Variants in FBXO25 observed in about 807,000 individuals in gnomAD.
FBXO25 encodes the protein F-box only protein 25.
FBXO25 carries 45 observed loss-of-function variants against 51.9 expected under a neutral mutation model. The ratio of observed to expected loss-of-function variants is 0.87; its 90% confidence interval spans 0.68 to 1.11. FBXO25 has a LOEUF of 1.11. Ranked by LOEUF, FBXO25 falls within the 50% of genes most tolerant of loss-of-function variation. The probability of loss-of-function intolerance (pLI) is 0.00; values close to 1 mark genes in which losing one functional copy is unlikely to be tolerated. For missense variants in FBXO25, 507 were observed against 428.5 expected (o/e 1.18, Z -1.62); for synonymous variants, 199 against 151.0 (o/e 1.32, Z -2.33).
intron 9 of FBXO25, chr8:467,904 A>T: frequency 6.7e-7 from 1 of 1,502,556 alleles, no homozygotes; most frequent in Non-Finnish European, 8.9e-7. Flanking sequence ...GGCCACTTTG[A>T]TCAAACACCT....
intron 2 of FBXO25, among the ~76,000 whole-genome samples, chr8:414,049 C>G (rs1796649198): frequency 6.6e-6 from 1 of 152,162 alleles, no homozygotes; most frequent in African/African-American, 2.4e-5. Context: ...GTGTAATTAT[C>G]AACTGTGTGC....
At chr8:435,064 C>A (rs1164795281) in intron 4 of FBXO25, among the ~76,000 whole-genome samples, 2 of 152,152 alleles carry the variant, frequency 1.3e-5, no homozygotes, top group Admixed American at 1.3e-4. Flanking sequence ...AAGCACCTCT[C>A]CCAGCCCTGA....
chr8:435,826 C>A lies in FBXO25; in HGVS notation c.381+119C>A, dbSNP rs71514156. The stretch of plus-strand genomic sequence containing the variant: ...AGCTTGAAGGTGTGCCTGTTTGCTG[C>A]GTATTAATCAAAAAACAGAAGGGAA... On this transcript the variant is annotated intron_variant, in intron 5 of 9. Transcript: ENST00000350302. 12 of 1,412,296 alleles carry A rather than the reference C, an allele frequency of 8.5e-6. No homozygotes were observed. In the Middle Eastern group the frequency reaches 7.9e-4, roughly 93 times the overall value. The allele number at this position is 1,412,296 out of a possible 1,614,324, so 87.5% of individuals were successfully genotyped here. A position where few individuals can be genotyped will look rare whatever the true frequency, so the allele number is the denominator to read the frequency against.
At chr8:468,005 A>G in intron 9 of FBXO25, 2 of 1,328,870 alleles carry the variant, frequency 1.5e-6, no homozygotes, top group Non-Finnish European at 1.9e-6. Flanking sequence ...ACACTTCACC[A>G]CACAGCACCT....
At chr8:446,216 C>A (rs547014102) in intron 5 of FBXO25, among the ~76,000 whole-genome samples, 1 of 152,096 alleles carries the variant, frequency 6.6e-6, no homozygotes, top group Non-Finnish European at 1.5e-5. Flanking sequence ...CCCTAACAGG[C>A]CCCTAGACGA....
At chr8:425,082 A>C (rs2117548018) in intron 2 of FBXO25, among the ~76,000 whole-genome samples, 1 of 152,204 alleles carries the variant, frequency 6.6e-6, no homozygotes, top group South Asian at 2.1e-4. Context: ...CCTTGTGACC[A>C]CACCCGGGTC....
At chr8:417,064 C>A (rs1270355101) in intron 2 of FBXO25, among the ~76,000 whole-genome samples, 1 of 152,156 alleles carries the variant, frequency 6.6e-6, no homozygotes, top group African/African-American at 2.4e-5. Context: ...GCAAAGGCCT[C>A]AAGGCAGGAG....
rs1800383973 is a variant in FBXO25 at position 469,105 on chromosome 8, C to T, written c.*301C>T. 1 of 283,510 alleles carries T rather than the reference C, an allele frequency of 3.5e-6. No homozygotes were observed. The highest frequency in any genetic ancestry group is 1.4e-4 in the South Asian group (1 of 7,382). The allele number at this position is 283,510 out of a possible 1,614,324, so 17.6% of individuals were successfully genotyped here. The stretch of plus-strand genomic sequence containing the variant: ...CAAAAATACTTTAGGTGGTCAGCTC[C>T]ACATTCTTTGTTGACGTGACACTAA... On this transcript the variant is annotated 3_prime_UTR_variant, in exon 10 of 10. Transcript: ENST00000350302.
At chr8:419,904 C>G (rs1797046489) in intron 2 of FBXO25, among the ~76,000 whole-genome samples, 1 of 152,242 alleles carries the variant, frequency 6.6e-6, no homozygotes, top group East Asian at 1.9e-4. Flanking sequence ...ATAAAGAACA[C>G]TTAAAACTCA....
At position 451,332 on chromosome 8, in the gene FBXO25, T is replaced by C. The variant is rs1178971561; in HGVS notation, c.539T>C (p.Leu180Pro). The part of the protein sequence containing the change: ...KDLLQDLSST[L>P]CILIRGVGKS... ...CTTCTGCAAGACCTAAGCTCTACCCTCTGCATTCTTATTAGAGGAGTAGGG... is the reference window on the plus strand; with the variant it reads ...CTTCTGCAAGACCTAAGCTCTACCCCCTGCATTCTTATTAGAGGAGTAGGG... The change falls in exon 7 of 10, where the codon CTC becomes CCC. Residue 180 changes from leucine (L) to proline (P), a missense_variant. By Grantham distance (98) the Leu-to-Pro change is moderately conservative. Transcript: ENST00000350302. 1.9e-6 allele frequency: 3 copies of C among 1,613,984 alleles called. No homozygotes were observed. The Admixed American group carries it at 5.0e-5, about 27-fold the overall frequency.
chr8:471,017 T>G lies in FBXO25; in HGVS notation c.*2213T>G, dbSNP rs1041394388. On this transcript the variant is annotated 3_prime_UTR_variant, in exon 10 of 10. Coordinates refer to ENST00000350302, the MANE Select transcript of FBXO25 (RefSeq NM_183420.2). Reference sequence around the variant, plus strand: ...TTACTGTCATTTAATTGTTAGATGTTATAACAGTTCTCAGCTGTGCTATCA... The same window carrying G: ...TTACTGTCATTTAATTGTTAGATGTGATAACAGTTCTCAGCTGTGCTATCA... 6 of 152,238 alleles carry G rather than the reference T, an allele frequency of 3.9e-5. No individual in the cohort carries two copies. The highest frequency in any genetic ancestry group is 1.4e-4 in the African/African-American group (6 of 41,462). 9.4% of individuals were successfully genotyped at this position (152,238 alleles called of 1,614,324 possible).
intron 1 of FBXO25, among the ~76,000 whole-genome samples, chr8:410,551 A>G (rs561285584): frequency 1.6e-4 from 25 of 152,270 alleles, no homozygotes; most frequent in East Asian, 3.9e-4. Flanking sequence ...ATGAGACTCA[A>G]GGTGCCACTT....
intron 2 of FBXO25, among the ~76,000 whole-genome samples, chr8:414,689 C>T (rs988752529): frequency 1.3e-5 from 2 of 152,268 alleles, no homozygotes; most frequent in South Asian, 4.1e-4. Flanking sequence ...TCTCCCTTTC[C>T]CCTTCGCCCA....
rs1400087545 is a variant in FBXO25, at chr8:474,769, A to G, written c.*5965A>G. ...ACCCTTTTCAGATATATCATTTTAA[A>G]ATACTTTGTCCCATTCCGTGGATTG... On this transcript the variant is annotated 3_prime_UTR_variant, in exon 10 of 10. Coordinates refer to ENST00000350302, the MANE Select transcript of FBXO25 (RefSeq NM_183420.2). The G allele has an allele frequency of 2.2e-6, 1 of 456,542 alleles. No individual in the cohort carries two copies. The highest frequency in any genetic ancestry group is 4.4e-6 in the Non-Finnish European group (1 of 226,964). 28.3% of individuals were successfully genotyped at this position (456,542 alleles called of 1,614,324 possible).
At position 409,765 on chromosome 8, in the gene FBXO25, T is replaced by C. The variant is rs1796380690; in HGVS notation, c.-8+2699T>C. Among the ~76,000 whole-genome samples, 4 of 152,278 alleles carry C rather than the reference T, an allele frequency of 2.6e-5. No homozygotes were observed. In the South Asian group the frequency reaches 8.3e-4, roughly 32 times the overall value. ...TTGTTTTTTTCTGTCTCCATGTTTTTCATTTGATCTATCCTACAAGCCCTA... is the reference window on the plus strand; with the variant it reads ...TTGTTTTTTTCTGTCTCCATGTTTTCCATTTGATCTATCCTACAAGCCCTA... On this transcript the variant is annotated intron_variant, in intron 1 of 9. Coordinates refer to ENST00000350302, the MANE Select transcript of FBXO25 (RefSeq NM_183420.2).
At chr8:467,674 T>C (rs1404421836) in intron 9 of FBXO25, 1 of 1,605,498 alleles carries the variant, frequency 6.2e-7, no homozygotes, top group Non-Finnish European at 8.5e-7. Flanking sequence ...TTTTTTTCCC[T>C]CCCTTCACTG....
chr8:468,915 GA>G lies in FBXO25; in HGVS notation c.*114del. 1.0e-6 allele frequency: 1 copy of G among 964,544 alleles called. No individual in the cohort carries two copies. The highest frequency in any genetic ancestry group is 1.5e-6 in the Non-Finnish European group (1 of 670,554). The allele number at this position is 964,544 out of a possible 1,614,324, so 59.7% of individuals were successfully genotyped here. ...GACTCCTCGGAAGCCCCTGCTTCCA[GA>G]AAGCCTGGGAAGAACTGCCCTTCTG... On this transcript the variant is annotated 3_prime_UTR_variant, in exon 10 of 10. Transcript: ENST00000350302.
chr8:457,046 C>T (rs139721343), intron 7 of FBXO25, among the ~76,000 whole-genome samples: 24 of 152,160 alleles, frequency 1.6e-4, no homozygotes, highest in Admixed American at 3.9e-4. Context: ...TTATAGAAAG[C>T]CACGACACAT....
At chr8:465,925 T>G (rs186681624) in intron 9 of FBXO25, among the ~76,000 whole-genome samples, 12 of 152,318 alleles carry the variant, frequency 7.9e-5, no homozygotes, top group African/African-American at 2.9e-4. Context: ...TTGTATTTAG[T>G]GAACTTTGTT....
Sources: allele counts gnomAD v4.1 joint callset (sites outside exome capture counted in the v4.1 genomes callset), GRCh38; gene constraint gnomAD v4.1.1; transcripts MANE v1.5; gene names NCBI Gene and HGNC (gene_info 2026-07-23, HGNC 2026-07-21).